Variants in ABI1 observed in about 807,000 individuals in gnomAD.
ABI1 encodes the protein abl interactor 1.
A neutral mutation model predicts 54.6 loss-of-function variants in ABI1; 14 were observed. That is an observed-to-expected ratio of 0.26 (90% CI 0.17 to 0.40). ABI1 has a LOEUF of 0.40. Ranked by LOEUF, ABI1 falls within the 10% of genes least tolerant of loss-of-function variation. ABI1 has a pLI of 1.00. For synonymous variants in ABI1, 194 were observed against 209.3 expected, an observed-to-expected ratio of 0.93 and a Z score of 0.63; for missense variants, 443 against 598.3, an observed-to-expected ratio of 0.74 and a Z score of 2.71.
At chr10:26,841,983 T>G (rs565886281) in intron 1 of ABI1, among the ~76,000 whole-genome samples, 4 of 152,154 alleles carry the variant, frequency 2.6e-5, no homozygotes, top group Non-Finnish European at 5.9e-5. Context: ...GTACTTCTAT[T>G]TTTCATTTCT....
intron 1 of ABI1, among the ~76,000 whole-genome samples, chr10:26,850,710 T>G (rs1442256693): frequency 2.1e-5 from 3 of 144,404 alleles, no homozygotes; most frequent in African/African-American, 7.7e-5. Context: ...TTTCAGTGAG[T>G]GGGTGGTTGG....
chr10:26,776,762 A>T (rs1169210767), intron 3 of ABI1: 1 of 228,900 alleles, frequency 4.4e-6, no homozygotes, highest in Non-Finnish European at 8.4e-6. Context: ...AAGCATGTAG[A>T]CTTTTATTTT....
At chr10:26,763,755 C>T (rs993503571) in intron 7 of ABI1, 27 of 810,470 alleles carry the variant, frequency 3.3e-5, no homozygotes, top group Non-Finnish European at 1.6e-5. Flanking sequence ...AGATTTAATA[C>T]TTTAAACTTT....
At chr10:26,843,485 A>AAACAT (rs1554832672) in intron 1 of ABI1, among the ~76,000 whole-genome samples, 1 of 34,160 alleles carries the variant, frequency 2.9e-5, no homozygotes, top group African/African-American at 1.2e-4. Flanking sequence ...AAAAAAAAAA[A>AAACAT]ATATATATAT....
At chr10:26,814,622 C>A (rs2047442310) in intron 2 of ABI1, among the ~76,000 whole-genome samples, 1 of 152,038 alleles carries the variant, frequency 6.6e-6, no homozygotes, top group African/African-American at 2.4e-5. Context: ...CTATAAGAAT[C>A]TTTTAAAAAT....
At chr10:26,756,436 G>T (rs1387655793) in intron 8 of ABI1, among the ~76,000 whole-genome samples, 2 of 152,048 alleles carry the variant, frequency 1.3e-5, no homozygotes, top group African/African-American at 4.8e-5. Flanking sequence ...AGTTTCATGG[G>T]ATATCTCAAA....
At chr10:26,801,874 C>A (rs1316298831) in intron 2 of ABI1, among the ~76,000 whole-genome samples, 1 of 152,190 alleles carries the variant, frequency 6.6e-6, no homozygotes, top group African/African-American at 2.4e-5. Context: ...CCATAATAGA[C>A]CTCCTATGGA....
intron 7 of ABI1, among the ~76,000 whole-genome samples, chr10:26,760,147 T>C (rs1838939441): frequency 6.6e-6 from 1 of 151,830 alleles, no homozygotes; most frequent in African/African-American, 2.4e-5. Flanking sequence ...CTGATGAAAA[T>C]ATTAATACTT....
rs1019236195 is a variant in ABI1 at position 26,860,061 on chromosome 10, G to A, written c.117+686C>T. Among the ~76,000 whole-genome samples, 13 of 152,090 alleles carry A rather than the reference G, an allele frequency of 8.5e-5. No homozygotes were observed. The highest frequency in any genetic ancestry group is 3.1e-4 in the African/African-American group (13 of 41,436). Reference sequence around the variant, plus strand: ...CAGATTTACAAACCTTCAATTAAAGGAATTTTAAGATGAACTTCTCTCAAA... The same window carrying A: ...CAGATTTACAAACCTTCAATTAAAGAAATTTTAAGATGAACTTCTCTCAAA... On this transcript the variant is annotated intron_variant, in intron 1 of 10. Transcript: ENST00000376140. The surrounding 1 kb of genome is among the most constrained non-coding windows in gnomAD (Gnocchi z 4.1).
chr10:26,815,381 C>T (rs990273255), intron 2 of ABI1, among the ~76,000 whole-genome samples: 1 of 151,930 alleles, frequency 6.6e-6, no homozygotes, highest in East Asian at 1.9e-4. Context: ...TTTAAATCTA[C>T]TGAAATAACT....
intron 2 of ABI1, among the ~76,000 whole-genome samples, chr10:26,781,047 G>C (rs528924548): frequency 6.6e-6 from 1 of 152,312 alleles, no homozygotes; most frequent in South Asian, 2.1e-4. Context: ...AAAGGCATTA[G>C]TAGGTTTGGG....
intron 1 of ABI1, among the ~76,000 whole-genome samples, chr10:26,823,707 C>T (rs191114614): frequency 5.6e-4 from 85 of 152,214 alleles, no homozygotes; most frequent in Non-Finnish European, 1.0e-3. Context: ...TTCCTGTGTC[C>T]ACTAACCACC....
intron 2 of ABI1, among the ~76,000 whole-genome samples, chr10:26,807,016 A>T (rs1281625606): frequency 4.6e-5 from 7 of 152,144 alleles, no homozygotes; most frequent in Non-Finnish European, 1.0e-4. Context: ...CCATGTTTTC[A>T]TGGTTCTTCC....
intron 1 of ABI1, among the ~76,000 whole-genome samples, chr10:26,852,304 AC>A (rs2050458745): frequency 1.3e-5 from 2 of 151,836 alleles, no homozygotes; most frequent in African/African-American, 4.8e-5. Flanking sequence ...ACATGGAGAA[AC>A]CCTGTCTCTA....
At chr10:26,843,474 AAAAAAAAAAAAATATATAT>A (rs2049714149) in intron 1 of ABI1, among the ~76,000 whole-genome samples, 3 of 65,996 alleles carry the variant, frequency 4.5e-5, no homozygotes, top group South Asian at 7.0e-4. Flanking sequence ...AAAAAAAAAA[AAAAAAAAAAAAATATATAT>A]ATATATATAT....
intron 2 of ABI1, among the ~76,000 whole-genome samples, chr10:26,822,708 A>T (rs185257440): frequency 6.6e-6 from 1 of 152,264 alleles, no homozygotes; most frequent in African/African-American, 2.4e-5. Context: ...AGAGGGAGGG[A>T]TTACGTAGGA....
At chr10:26,802,479 G>T (rs2046626925) in intron 2 of ABI1, among the ~76,000 whole-genome samples, 1 of 152,140 alleles carries the variant, frequency 6.6e-6, no homozygotes. Flanking sequence ...TTGAGAGAGA[G>T]AAGGCAGTAT....
rs1588720745 is a variant in ABI1, at chr10:26,746,783, A to AATG, written c.*1784_*1786dup. 7.3e-6 allele frequency: 3 copies of AATG among 410,346 alleles called. No individual in the cohort carries two copies. Among genetic ancestry groups the AATG allele is most frequent in the Non-Finnish European group, 1.4e-5 (3 of 220,140 alleles). 25.4% of individuals were successfully genotyped at this position (410,346 alleles called of 1,614,324 possible). On this transcript the variant is annotated 3_prime_UTR_variant, in exon 11 of 11. Coordinates refer to ENST00000376140, the MANE Select transcript of ABI1 (RefSeq NM_001012750.3). ...AAGGCCATTACACAAATAAATAACC[A>AATG]ATGTTAAAATTCAAATGGTTTGTCT...
chr10:26,858,396 G>C (rs2134371572), intron 1 of ABI1, among the ~76,000 whole-genome samples: 1 of 151,324 alleles, frequency 6.6e-6, no homozygotes, highest in Non-Finnish European at 1.5e-5. Flanking sequence ...CCTGGATCAT[G>C]CAGCCCAACG....
Sources: allele counts gnomAD v4.1 joint callset (sites outside exome capture counted in the v4.1 genomes callset), GRCh38; gene constraint gnomAD v4.1.1; non-coding constraint Gnocchi (gnomAD v3.1); transcripts MANE v1.5; gene names NCBI Gene and HGNC (gene_info 2026-07-23, HGNC 2026-07-21).